CFAP299: variants seen among roughly 807,000 people sequenced by gnomAD.
CFAP299 encodes the protein cilia- and flagella-associated protein 299.
A neutral mutation model predicts 27.0 loss-of-function variants in CFAP299; 21 were observed. The ratio of observed to expected loss-of-function variants is 0.78; its 90% confidence interval spans 0.55 to 1.12. CFAP299 has a LOEUF of 1.12. CFAP299 is among the 50% of genes most tolerant of loss of function. CFAP299 has a pLI of 0.00. For synonymous variants in CFAP299, 104 were observed against 98.1 expected (o/e 1.06, Z -0.36); for missense variants, 310 against 276.6 (o/e 1.12, Z -0.86).
chr4:80,666,889 G>C (rs1293732862), intron 3 of CFAP299, among the ~76,000 whole-genome samples: 1 of 152,132 alleles, frequency 6.6e-6, no homozygotes, highest in Non-Finnish European at 1.5e-5. Flanking sequence ...GGTCCATAAG[G>C]ATAAAGAATG....
chr4:80,502,085 A>G (rs1731778102), intron 2 of CFAP299, among the ~76,000 whole-genome samples: 1 of 152,116 alleles, frequency 6.6e-6, no homozygotes, highest in African/African-American at 2.4e-5. Flanking sequence ...AGTGCTGGAT[A>G]AATGAGTCAT....
chr4:80,789,239 TATTGAAGCTATCCTAACC>T (rs1472949186), intron 3 of CFAP299, among the ~76,000 whole-genome samples: 1 of 152,060 alleles, frequency 6.6e-6, no homozygotes, highest in African/African-American at 2.4e-5. Flanking sequence ...TGTAAGATGT[TATTGAAGCTATCCTAACC>T]ATTGCAGTCC....
At chr4:80,342,647 T>A (rs983012093) in intron 1 of CFAP299, among the ~76,000 whole-genome samples, 3 of 152,238 alleles carry the variant, frequency 2.0e-5, no homozygotes, top group Middle Eastern at 3.4e-3. Flanking sequence ...CCAGGCCTGC[T>A]TTGCAAGAGT....
At chr4:80,947,044 A>G (rs1737512264) in intron 5 of CFAP299, among the ~76,000 whole-genome samples, 1 of 152,214 alleles carries the variant, frequency 6.6e-6, no homozygotes, top group Admixed American at 6.5e-5. Flanking sequence ...TAGTTTTTAC[A>G]GTCTTTGGGG....
intron 3 of CFAP299, among the ~76,000 whole-genome samples, chr4:80,670,634 A>C (rs879956105): frequency 6.6e-6 from 1 of 152,168 alleles, no homozygotes; most frequent in Non-Finnish European, 1.5e-5. Context: ...ATTTCTCCAC[A>C]TCCTCTCCAG....
chr4:80,914,524 A>G (rs1578234830), intron 4 of CFAP299, among the ~76,000 whole-genome samples: 1 of 152,284 alleles, frequency 6.6e-6, no homozygotes, highest in Admixed American at 6.5e-5. Context: ...CCCAAACTGT[A>G]TTCAGACATT....
intron 3 of CFAP299, among the ~76,000 whole-genome samples, chr4:80,753,368 A>G (rs1725047050): frequency 6.6e-6 from 1 of 151,854 alleles, no homozygotes; most frequent in African/African-American, 2.4e-5. Context: ...TGTAATTACT[A>G]TTTTTGTTCC....
chr4:80,811,011 T>C (rs914778975), intron 3 of CFAP299, among the ~76,000 whole-genome samples: 6 of 152,110 alleles, frequency 3.9e-5, no homozygotes, highest in African/African-American at 1.4e-4. Flanking sequence ...ATATAAACTT[T>C]GTGAGAATGA....
At chr4:80,702,203 A>G (rs1049221684) in intron 3 of CFAP299, among the ~76,000 whole-genome samples, 6 of 151,872 alleles carry the variant, frequency 4.0e-5, no homozygotes, top group African/African-American at 1.4e-4. Context: ...AGAAGTTCTC[A>G]TTACCTACTT....
At chr4:80,546,267 C>T (rs767425662) in intron 2 of CFAP299, among the ~76,000 whole-genome samples, 5 of 151,974 alleles carry the variant, frequency 3.3e-5, no homozygotes, top group Non-Finnish European at 7.4e-5. Flanking sequence ...TGATAAACAA[C>T]TTCAGTGAAG....
intron 2 of CFAP299, among the ~76,000 whole-genome samples, chr4:80,444,071 G>C (rs1188619301): frequency 6.6e-5 from 10 of 152,116 alleles, no homozygotes; most frequent in African/African-American, 2.4e-4. Context: ...TCATGGATAG[G>C]AAAAATCAAT....
chr4:80,587,906 A>G (rs1285376600), intron 3 of CFAP299, among the ~76,000 whole-genome samples: 1 of 144,136 alleles, frequency 6.9e-6, no homozygotes, highest in Non-Finnish European at 1.5e-5. Context: ...ACCATGTGTT[A>G]TGTTAGGTCA....
At position 80,793,106 on chromosome 4, in the gene CFAP299, T is replaced by C. The variant is rs188837594; in HGVS notation, c.334-76887T>C. On this transcript the variant is annotated intron_variant, in intron 3 of 5. Coordinates refer to ENST00000358105, the MANE Select transcript of CFAP299 (RefSeq NM_152770.3). ...ATTTATATCCTATTAGTTATGTGTGTGTGTGTGTGTGTGTGTGTGTGTATG... is the reference window on the plus strand; with the variant it reads ...ATTTATATCCTATTAGTTATGTGTGCGTGTGTGTGTGTGTGTGTGTGTATG... Among the ~76,000 whole-genome samples the C allele has an allele frequency of 4.0e-3, 602 of 150,872 alleles. 1 individual carries two copies. The highest frequency in any genetic ancestry group is 6.8e-3 in the Middle Eastern group (2 of 294).
intron 3 of CFAP299, among the ~76,000 whole-genome samples, chr4:80,711,987 C>T (rs2110037384): frequency 6.6e-6 from 1 of 152,312 alleles, no homozygotes; most frequent in East Asian, 1.9e-4. Flanking sequence ...AAAATGGAGT[C>T]TCCTTCCTGG....
At chr4:80,475,717 G>C (rs1256165690) in intron 2 of CFAP299, among the ~76,000 whole-genome samples, 2 of 152,216 alleles carry the variant, frequency 1.3e-5, no homozygotes, top group Non-Finnish European at 2.9e-5. Flanking sequence ...GTCAGGGTTA[G>C]AGTTGTACGT....
chr4:80,766,389 A>G (rs1725863834), intron 3 of CFAP299, among the ~76,000 whole-genome samples: 1 of 152,186 alleles, frequency 6.6e-6, no homozygotes, highest in Non-Finnish European at 1.5e-5. Flanking sequence ...TTAAACAATT[A>G]TCGTGTGTTT....
chr4:80,353,946 T>C (rs1477231349), intron 1 of CFAP299, among the ~76,000 whole-genome samples: 1 of 152,214 alleles, frequency 6.6e-6, no homozygotes, highest in South Asian at 2.1e-4. Flanking sequence ...CACCAAAATA[T>C]ATCCTAAATG....
At chr4:80,669,965 G>T (rs116259753) in intron 3 of CFAP299, among the ~76,000 whole-genome samples, 2 of 150,830 alleles carry the variant, frequency 1.3e-5, no homozygotes, top group Non-Finnish European at 3.0e-5. Flanking sequence ...CCCGTAGTGC[G>T]TCGTGAATTT....
intron 3 of CFAP299, among the ~76,000 whole-genome samples, chr4:80,812,921 T>C (rs1022235784): frequency 1.3e-5 from 2 of 152,152 alleles, no homozygotes; most frequent in Non-Finnish European, 2.9e-5. Context: ...CATTGACATC[T>C]ATGGACATTT....
Sources: allele counts gnomAD v4.1 joint callset (sites outside exome capture counted in the v4.1 genomes callset), GRCh38; gene constraint gnomAD v4.1.1; transcripts MANE v1.5; gene names NCBI Gene and HGNC (gene_info 2026-07-23, HGNC 2026-07-21).